PTGER3: variants seen among roughly 807,000 people sequenced by gnomAD.
PTGER3 encodes the protein prostaglandin E2 receptor EP3 subtype.
A neutral mutation model predicts 34.7 loss-of-function variants in PTGER3; 22 were observed. The ratio of observed to expected loss-of-function variants is 0.63; its 90% confidence interval spans 0.45 to 0.91. The LOEUF is 0.91. Ranked by LOEUF, PTGER3 falls within the 40% of genes least tolerant of loss-of-function variation. The pLI is 0.00. For missense variants in PTGER3, 468 were observed against 519.4 expected (o/e 0.90, Z 0.96); for synonymous variants, 241 against 230.1 (o/e 1.05, Z -0.43).
chr1:70,856,877 G>A (rs1645817958), intron 4 of PTGER3, among the ~76,000 whole-genome samples: 1 of 152,142 alleles, frequency 6.6e-6, no homozygotes, highest in Non-Finnish European at 1.5e-5. Flanking sequence ...ATGCATTCCT[G>A]TAACAACCGC....
chr1:71,044,656 G>A (rs1660602138), intron 1 of PTGER3, among the ~76,000 whole-genome samples: 1 of 151,962 alleles, frequency 6.6e-6, no homozygotes, highest in South Asian at 2.1e-4. Context: ...TTTCAAGATT[G>A]ATCTACTTTC....
chr1:71,023,427 T>C (rs530647160), intron 1 of PTGER3, among the ~76,000 whole-genome samples: 3 of 151,914 alleles, frequency 2.0e-5, no homozygotes, highest in Non-Finnish European at 4.4e-5. Flanking sequence ...TTCTGAATTG[T>C]ATCTTAGAGA....
intron 1 of PTGER3, among the ~76,000 whole-genome samples, chr1:71,017,737 G>C (rs1411356332): frequency 6.6e-6 from 1 of 152,114 alleles, no homozygotes; most frequent in African/African-American, 2.4e-5. Flanking sequence ...AGTTTCTTGA[G>C]GCCTCCCCAG....
chr1:70,965,819 T>A (rs1652458118), downstream of PTGER3, among the ~76,000 whole-genome samples: 1 of 152,194 alleles, frequency 6.6e-6, no homozygotes, highest in Non-Finnish European at 1.5e-5. Flanking sequence ...TATTTTCTTC[T>A]GCTCTTCCAG....
At chr1:70,870,848 T>A (rs2100540549) in intron 4 of PTGER3, among the ~76,000 whole-genome samples, 1 of 152,326 alleles carries the variant, frequency 6.6e-6, no homozygotes, top group South Asian at 2.1e-4. Context: ...TTATTGTCCA[T>A]ATCACTATCG....
In PTGER3 at chr1:70,892,198, C is replaced by A. The variant is rs185124421; in HGVS notation, c.*24-39339G>T. Among the ~76,000 whole-genome samples the A allele has an allele frequency of 9.8e-5, 15 of 152,322 alleles. 1 individual carries two copies. In the East Asian group the frequency reaches 2.9e-3, roughly 29 times the overall value. ...ACAGACCTGCATTTCAAACCCAATT[C>A]TATCACTTATGAGCTGTTGCTTTGG... On this transcript the variant is annotated intron_variant, in intron 4 of 4. Transcript: ENST00000370931.
downstream of PTGER3, among the ~76,000 whole-genome samples, chr1:70,966,406 A>T (rs1048731695): frequency 5.9e-5 from 9 of 152,216 alleles, no homozygotes; most frequent in Non-Finnish European, 7.3e-5. Context: ...AAAAAATTTT[A>T]AAAAATGAAT....
At chr1:71,046,580 G>A in intron 1 of PTGER3, 101 bp downstream of exon 1, 1 of 1,390,968 alleles carries the variant, frequency 7.2e-7, no homozygotes. Flanking sequence ...GCGCTCTGCG[G>A]TTGCAAACAC....
At chr1:70,945,199 C>CA (rs1650114782) in intron 4 of PTGER3, among the ~76,000 whole-genome samples, 1 of 152,070 alleles carries the variant, frequency 6.6e-6, no homozygotes, top group Non-Finnish European at 1.5e-5. Flanking sequence ...GGTTGAAAAA[C>CA]AAACTAAACA....
At chr1:70,976,077 C>T (rs1196167355) in intron 2 of PTGER3, among the ~76,000 whole-genome samples, 6 of 151,320 alleles carry the variant, frequency 4.0e-5, no homozygotes, top group African/African-American at 9.7e-5. Flanking sequence ...GTAGGAATTT[C>T]GATATCACAT....
chr1:71,006,968 C>G (rs1290800251), intron 2 of PTGER3: 1 of 985,472 alleles, frequency 1.0e-6, no homozygotes, highest in African/African-American at 1.7e-5. Flanking sequence ...GTCTAACGTA[C>G]TTTTCATACG....
rs923539579 is a variant in PTGER3, at chr1:70,927,893, C to G, written c.*23+25870G>C. Among the ~76,000 whole-genome samples, 19 of 151,968 alleles carry G rather than the reference C, an allele frequency of 1.3e-4. 1 individual carries two copies. The highest frequency in any genetic ancestry group is 1.8e-4 in the Non-Finnish European group (12 of 67,986). On this transcript the variant is annotated intron_variant, in intron 4 of 4. Coordinates refer to the PTGER3 transcript ENST00000370931. Reference sequence around the variant, plus strand: ...AAAACCCAAACCTCTAAACCAAGTGCCTTAGCTTCTTGTATTTACCCTATA... The same window carrying G: ...AAAACCCAAACCTCTAAACCAAGTGGCTTAGCTTCTTGTATTTACCCTATA...
intron 4 of PTGER3, chr1:70,852,936 TA>T: frequency 6.9e-7 from 1 of 1,442,340 alleles, no homozygotes; most frequent in Non-Finnish European, 9.7e-7. Context: ...TCAAAGGCAA[TA>T]AATTCTCATA....
chr1:70,944,119 C>T (rs1650007754), intron 4 of PTGER3, among the ~76,000 whole-genome samples: 1 of 152,076 alleles, frequency 6.6e-6, no homozygotes, highest in South Asian at 2.1e-4. Flanking sequence ...TCAAGTCATT[C>T]TTCCTTGATG....
At chr1:70,941,911 C>T (rs140681529) in intron 4 of PTGER3, among the ~76,000 whole-genome samples, 53 of 152,202 alleles carry the variant, frequency 3.5e-4, no homozygotes, top group South Asian at 2.5e-3. Context: ...AATTTAATCA[C>T]GACCGTCCTC....
At chr1:70,852,967 G>A in intron 4 of PTGER3, 1 of 1,270,286 alleles carries the variant, frequency 7.9e-7, no homozygotes, top group Non-Finnish European at 1.1e-6. Context: ...TTATGAACAG[G>A]AATGGTAAAT....
At position 71,047,685 on chromosome 1, in the gene PTGER3, G is replaced by T. The variant is rs917910509; in HGVS notation, c.-108C>A. 6.1e-6 allele frequency: 8 copies of T among 1,318,680 alleles called. No individual in the cohort carries two copies. Among genetic ancestry groups the T allele is most frequent in the East Asian group, 2.7e-5 (1 of 37,252 alleles). 81.7% of individuals were successfully genotyped at this position (1,318,680 alleles called of 1,614,324 possible). On this transcript the variant is annotated 5_prime_UTR_variant, in exon 1 of 4. Coordinates refer to ENST00000306666, the MANE Select transcript of PTGER3 (RefSeq NM_198719.2). ...CGGCGTTTACCGCGGCTGGGGCTGG[G>T]CTGCCCCCCATGGTGCGGGGCGCAG...
At chr1:70,884,445 G>A (rs918344191) in intron 4 of PTGER3, among the ~76,000 whole-genome samples, 2 of 152,316 alleles carry the variant, frequency 1.3e-5, no homozygotes, top group African/African-American at 4.8e-5. Flanking sequence ...AAAAGTTCCT[G>A]GGTGGGTTTG....
At chr1:71,039,649 C>CAAAAAAAAAAAAAA (rs1183485427) in intron 1 of PTGER3, among the ~76,000 whole-genome samples, 4 of 54,440 alleles carry the variant, frequency 7.3e-5, no homozygotes, top group African/African-American at 1.7e-4. Context: ...GACTCTGTCT[C>CAAAAAAAAAAAAAA]AAAAAAAAAA....
Sources: allele counts gnomAD v4.1 joint callset (sites outside exome capture counted in the v4.1 genomes callset), GRCh38; gene constraint gnomAD v4.1.1; transcripts MANE v1.5; gene names NCBI Gene and HGNC (gene_info 2026-07-23, HGNC 2026-07-21).